ATG4B: variants seen among roughly 807,000 people sequenced by gnomAD.
ATG4B encodes the protein autophagy related 4B cysteine peptidase.
Under a neutral mutation model 56.6 loss-of-function variants are expected in ATG4B, and 29 were observed. That is an observed-to-expected ratio of 0.51 (90% CI 0.38 to 0.70). The LOEUF (loss-of-function observed/expected upper bound fraction) is 0.70, where lower values mean the gene tolerates loss of function less well. Among genes scored for constraint, ATG4B ranks in the 30% least tolerant of loss-of-function variants. ATG4B has a pLI of 0.00. For synonymous variants in ATG4B, 224 were observed against 206.1 expected, an observed-to-expected ratio of 1.09 and a Z score of -0.74; for missense variants, 461 against 515.5, an observed-to-expected ratio of 0.89 and a Z score of 1.02.
chr2:241,664,269 CTG>C (rs796583603), intron 7 of ATG4B, among the ~76,000 whole-genome samples: 162 of 152,294 alleles, frequency 1.1e-3, no homozygotes, highest in African/African-American at 3.7e-3. Context: ...TGGCTCCCGC[CTG>C]TAATCCTAGC....
intron 1 of ATG4B, among the ~76,000 whole-genome samples, chr2:241,640,202 A>G (rs553744211): frequency 1.3e-5 from 2 of 152,320 alleles, no homozygotes; most frequent in South Asian, 4.1e-4. Context: ...TCCCTTGACA[A>G]CTGTGTTGAC....
intron 6 of ATG4B, among the ~76,000 whole-genome samples, chr2:241,658,412 C>T (rs2068480983): frequency 6.6e-6 from 1 of 152,078 alleles, no homozygotes; most frequent in Admixed American, 6.5e-5. Flanking sequence ...TGCTCCACCC[C>T]CACCCAGCTC....
chr2:241,641,366 C>T lies in ATG4B; in HGVS notation c.10+3642C>T, dbSNP rs1194788183. 3.3e-5 allele frequency among the ~76,000 whole-genome samples: 5 copies of T among 152,046 alleles called. No homozygotes were observed. The East Asian group carries it at 5.8e-4, about 18-fold the overall frequency. ...GAGATCGAGACCATCCTGGCTAACA[C>T]GGTGAAACCCCGTCGCTACTAAAAA... is the stretch of plus-strand genomic sequence containing the variant. On this transcript the variant is annotated intron_variant, in intron 1 of 12. Transcript: ENST00000404914.
chr2:241,659,096 T>C lies in ATG4B; in HGVS notation c.459-12T>C. ...GTACAAAAGCTTATGGTCATTCTCC[T>C]ACTCTCTGTAGGAAGCTTGCTGTCT... On this transcript the variant is annotated splice_polypyrimidine_tract_variant and intron_variant, in intron 6 of 12. Coordinates refer to ENST00000404914, the MANE Select transcript of ATG4B (RefSeq NM_013325.5). 1.3e-6 allele frequency: 2 copies of C among 1,591,572 alleles called. No homozygotes were observed. The highest frequency in any genetic ancestry group is 1.1e-5 in the South Asian group (1 of 88,072).
At chr2:241,660,206 G>A (rs1422267608) in intron 7 of ATG4B, among the ~76,000 whole-genome samples, 1 of 152,102 alleles carries the variant, frequency 6.6e-6, no homozygotes, top group African/African-American at 2.4e-5. Context: ...CCAAAAAAAA[G>A]ACCTCATTCA....
In ATG4B at chr2:241,668,778, T is replaced by TC. The variant is rs398105491; in HGVS notation, c.957+94dup. 42 of 1,496,040 alleles carry TC rather than the reference T, an allele frequency of 2.8e-5. No individual in the cohort carries two copies. The highest frequency in any genetic ancestry group is 2.7e-5 in the Non-Finnish European group (30 of 1,126,244). 92.7% of individuals were successfully genotyped at this position (1,496,040 alleles called of 1,614,324 possible). On this transcript the variant is annotated intron_variant, in intron 10 of 12. Coordinates refer to ENST00000404914, the MANE Select transcript of ATG4B (RefSeq NM_013325.5). The surrounding 1 kb of genome is among the most constrained non-coding windows in gnomAD (Gnocchi z 4.2). The stretch of plus-strand genomic sequence containing the variant: ...CTTTCGGATTTTTGCGTTTTTTTTT[T>TC]CAGCATGTTGGGATAAGTACTGTGT...
chr2:241,660,192 C>A (rs1030240977), intron 7 of ATG4B, among the ~76,000 whole-genome samples: 2 of 152,020 alleles, frequency 1.3e-5, no homozygotes, highest in Non-Finnish European at 2.9e-5. Flanking sequence ...CCGTCCCCCG[C>A]CCCCCAAAAA....
rs2068228791 is a variant in ATG4B at position 241,651,469 on chromosome 2, T to C, written c.184+134T>C. 3 of 762,100 alleles carry C rather than the reference T, an allele frequency of 3.9e-6. No individual in the cohort carries two copies. In the South Asian group the frequency reaches 5.5e-5, roughly 14 times the overall value. 47.2% of individuals were successfully genotyped at this position (762,100 alleles called of 1,614,324 possible). On this transcript the variant is annotated intron_variant, in intron 3 of 12. Coordinates refer to ENST00000404914, the MANE Select transcript of ATG4B (RefSeq NM_013325.5). The surrounding 1 kb of genome is among the most constrained non-coding windows in gnomAD (Gnocchi z 4.1). ...TCACAGCAATCCTGCTTAACTGAAT[T>C]GGCCGAGGCCTCACGTGTAGTAGTG...
intron 12 of ATG4B, 140 bp from the exon 13 acceptor site, chr2:241,672,051 C>T: frequency 1.4e-6 from 2 of 1,457,484 alleles, no homozygotes. Context: ...AACCCCCGGA[C>T]CTGTTCACAC....
intron 10 of ATG4B, chr2:241,670,465 C>A: frequency 1.8e-6 from 1 of 565,190 alleles, no homozygotes; most frequent in Non-Finnish European, 3.2e-6. Context: ...GAGAGATGCA[C>A]ACCACGTAAC....
At position 241,651,032 on chromosome 2, in the gene ATG4B, C is replaced by T. The variant is rs541550072; in HGVS notation, c.33C>T (p.Leu11=). 28 of 1,613,906 alleles carry T rather than the reference C, an allele frequency of 1.7e-5. No individual in the cohort carries two copies. The South Asian group carries it at 2.9e-4, about 16-fold the overall frequency. Residue 11 remains leucine, a synonymous_variant, in exon 2 of 13, where the codon CTC becomes CTT. Coordinates refer to ENST00000404914, the MANE Select transcript of ATG4B (RefSeq NM_013325.5). This position sits in a 1 kb window ranked among gnomAD's most constrained non-coding sequence, Gnocchi z 4.1. ...CAGCTACTCTGACCTACGACACTCT[C>T]CGGTTTGCTGAGTTTGAAGATTTTC... MDAATLTYDT[L]RFAEFEDFPE...
intron 7 of ATG4B, among the ~76,000 whole-genome samples, chr2:241,662,233 G>C: frequency 6.6e-6 from 1 of 152,140 alleles, no homozygotes; most frequent in East Asian, 1.9e-4. Context: ...CAGAAGTAAA[G>C]GGAAACTTCT....
intron 7 of ATG4B, among the ~76,000 whole-genome samples, chr2:241,664,864 T>C (rs1047408121): frequency 1.3e-5 from 2 of 152,088 alleles, no homozygotes; most frequent in African/African-American, 4.8e-5. Flanking sequence ...CTGGGGAGGC[T>C]GAGGCAGGAG....
At chr2:241,663,811 A>ATTTT (rs544195724) in intron 7 of ATG4B, among the ~76,000 whole-genome samples, 2 of 140,232 alleles carry the variant, frequency 1.4e-5, no homozygotes. Flanking sequence ...CCAGACGTCT[A>ATTTT]TTTTTTTTTT....
rs904924984 is a variant in ATG4B at position 241,666,808 on chromosome 2, C to A, written c.702C>A (p.Asp234Glu). 20 of 1,574,348 alleles carry A rather than the reference C, an allele frequency of 1.3e-5. No homozygotes were observed. Among genetic ancestry groups the A allele is most frequent in the Non-Finnish European group, 1.7e-5 (20 of 1,160,076 alleles). ...TTCCCCTGCGCCTGGGGCTCACGGA[C>A]ATCAACGAGGCCTACGTGGAGACGC... is the stretch of plus-strand genomic sequence containing the variant. ...LLIPLRLGLT[D>E]INEAYVETLK... Residue 234 changes from aspartate (D) to glutamate (E), a missense_variant, in exon 8 of 13, where the codon GAC becomes GAA. Asp to Glu is a conservative substitution (Grantham distance 45). Coordinates refer to ENST00000404914, the MANE Select transcript of ATG4B (RefSeq NM_013325.5).
chr2:241,642,871 CCTTTTTTT>C lies in ATG4B; in HGVS notation c.10+5148_10+5155del, dbSNP rs1261959507. Among the ~76,000 whole-genome samples, 21 of 98,428 alleles carry C rather than the reference CCTTTTTTT, an allele frequency of 2.1e-4. 2 individuals are homozygous for C. The highest frequency in any genetic ancestry group is 6.4e-4 in the African/African-American group (15 of 23,504). The allele number at this position is 98,428 out of a possible 152,430, so 64.6% of individuals were successfully genotyped here. On this transcript the variant is annotated intron_variant, in intron 1 of 12. Transcript: ENST00000404914. ...CTTAAGGTGTACAGCACCTCTCCGT[CCTTTTTTT>C]TTTTTTTTTTTTTTTTTTTAAGACG...
In ATG4B at chr2:241,668,429, C is replaced by T. The variant is rs1253667876; in HGVS notation, c.812-111C>T. 6.8e-7 allele frequency: 1 copy of T among 1,477,222 alleles called. No homozygotes were observed. Among genetic ancestry groups the T allele is most frequent in the African/African-American group, 1.4e-5 (1 of 71,800 alleles). 91.5% of individuals were successfully genotyped at this position (1,477,222 alleles called of 1,614,324 possible). A position where few individuals can be genotyped will look rare whatever the true frequency, so the allele number is the denominator to read the frequency against. ...CCCTCGGCTCCCTCCCCACCTCCTGCCCACTGCTTCTCAGTGTGATGTGGG... is the reference window on the plus strand; with the variant it reads ...CCCTCGGCTCCCTCCCCACCTCCTGTCCACTGCTTCTCAGTGTGATGTGGG... On this transcript the variant is annotated intron_variant, in intron 9 of 12. Coordinates refer to ENST00000404914, the MANE Select transcript of ATG4B (RefSeq NM_013325.5). The surrounding 1 kb of genome is among the most constrained non-coding windows in gnomAD (Gnocchi z 4.2).
Position 241,668,339 on chromosome 2 carries a change from T to TG in ATG4B, c.811+122dup. The TG allele has an allele frequency of 1.4e-6, 2 of 1,393,952 alleles. No individual in the cohort carries two copies. The highest frequency in any genetic ancestry group is 2.0e-6 in the Non-Finnish European group (2 of 1,006,876). The allele number at this position is 1,393,952 out of a possible 1,614,324, so 86.3% of individuals were successfully genotyped here. A position where few individuals can be genotyped will look rare whatever the true frequency, so the allele number is the denominator to read the frequency against. On this transcript the variant is annotated intron_variant, in intron 9 of 12. Coordinates refer to ENST00000404914, the MANE Select transcript of ATG4B (RefSeq NM_013325.5). This position sits in a 1 kb window ranked among gnomAD's most constrained non-coding sequence, Gnocchi z 4.2. ...CCACTGGTGGAAAAGCAGCATGCCC[T>TG]GGGGTTCATTTTCAGCCTGGTCGCG...
Position 241,651,932 on chromosome 2 carries a change from G to C in ATG4B, c.184+597G>C. On this transcript the variant is annotated intron_variant, in intron 3 of 12. Transcript: ENST00000404914. The surrounding 1 kb of genome is among the most constrained non-coding windows in gnomAD (Gnocchi z 4.1). ...TGGAGCTGGAAGGAGATGGGGACTG[G>C]TTCTCAGCCTTGCCTCTCACCGGCG... is the stretch of plus-strand genomic sequence containing the variant. The C allele has an allele frequency of 2.3e-6, 3 of 1,304,136 alleles. No individual in the cohort carries two copies. The highest frequency in any genetic ancestry group is 3.0e-6 in the Non-Finnish European group (3 of 988,824). 80.8% of individuals were successfully genotyped at this position (1,304,136 alleles called of 1,614,324 possible).
Sources: gnomAD v4.1 joint callset for allele counts (sites outside exome capture counted in the v4.1 genomes callset) on GRCh38, gnomAD v4.1.1 for gene constraint, Gnocchi (gnomAD v3.1) non-coding constraint, MANE v1.5 for transcripts, NCBI Gene and HGNC (gene_info 2026-07-23, HGNC 2026-07-21) for gene names.